The following MAST4 variants were observed in gnomAD, a reference collection of about 807,000 sequenced individuals.
MAST4 encodes microtubule-associated serine/threonine-protein kinase 4.
In MAST4, 89 loss-of-function variants were observed where a neutral mutation model predicts 162.7. The ratio of observed to expected loss-of-function variants is 0.55; its 90% confidence interval spans 0.46 to 0.65. The LOEUF is 0.65. MAST4 is among the 30% of genes least tolerant of loss of function. The pLI is 0.00. For synonymous variants in MAST4, 1,479 were observed against 1,361.1 expected (o/e 1.09, Z -1.91); for missense variants, 3,153 against 3,374.0 (o/e 0.93, Z 1.62).
chr5:67,110,761 C>T (rs1426943454), intron 11 of MAST4, among the ~76,000 whole-genome samples: 1 of 152,176 alleles, frequency 6.6e-6, no homozygotes, highest in Non-Finnish European at 1.5e-5. Flanking sequence ...TGGTGGCTCA[C>T]GCCTGTAACC....
chr5:67,001,038 A>C (rs1218442943), intron 4 of MAST4, among the ~76,000 whole-genome samples: 1 of 152,218 alleles, frequency 6.6e-6, no homozygotes, highest in Non-Finnish European at 1.5e-5. Flanking sequence ...TAGTTGTTAC[A>C]CAATAGAAAA....
chr5:66,633,712 A>G (rs1191088889), intron 1 of MAST4, among the ~76,000 whole-genome samples: 2 of 152,158 alleles, frequency 1.3e-5, no homozygotes, highest in African/African-American at 4.8e-5. Context: ...TTGTTTTCCA[A>G]CTAGGTTACC....
At chr5:66,774,457 G>A (rs1013506849) in intron 2 of MAST4, among the ~76,000 whole-genome samples, 8 of 152,194 alleles carry the variant, frequency 5.3e-5, no homozygotes, top group Non-Finnish European at 1.0e-4. Context: ...TGATCATGAA[G>A]CATGTAATCT....
chr5:66,723,139 C>G (rs535373249), intron 1 of MAST4, among the ~76,000 whole-genome samples: 1 of 152,238 alleles, frequency 6.6e-6, no homozygotes, highest in East Asian at 1.9e-4. Context: ...TCTTCAGTGG[C>G]ACTTCAGTGA....
At chr5:66,980,976 G>A (rs1448855714) in intron 4 of MAST4, among the ~76,000 whole-genome samples, 1 of 151,252 alleles carries the variant, frequency 6.6e-6, no homozygotes, top group East Asian at 2.1e-4. Context: ...AGCTGATCAG[G>A]ACATTTTTTT....
chr5:66,746,938 A>G lies in MAST4; in HGVS notation c.364-12771A>G, dbSNP rs146786023. On this transcript the variant is annotated intron_variant, in intron 1 of 28. Coordinates refer to ENST00000403625, the MANE Select transcript of MAST4 (RefSeq NM_001164664.2). Reference sequence around the variant, plus strand: ...AAAGTGTGCCATGTTTTAAAAAACTATAAAATGATACTAGCTTTATTTTTT... The same window carrying G: ...AAAGTGTGCCATGTTTTAAAAAACTGTAAAATGATACTAGCTTTATTTTTT... Among the ~76,000 whole-genome samples, 719 of 152,266 alleles carry G rather than the reference A, an allele frequency of 4.7e-3. 4 individuals carry two copies. Among genetic ancestry groups the G allele is most frequent in the Non-Finnish European group, 4.2e-3 (287 of 68,042 alleles).
intron 1 of MAST4, among the ~76,000 whole-genome samples, chr5:66,624,754 A>C (rs1487312499): frequency 6.6e-6 from 1 of 152,226 alleles, no homozygotes; most frequent in Non-Finnish European, 1.5e-5. Context: ...ATTTATGGTC[A>C]ACAATTTCTG....
At chr5:66,903,031 A>G (rs455938) in intron 4 of MAST4, among the ~76,000 whole-genome samples, 108,525 of 152,132 alleles carry the variant, frequency 0.71, 38,966 homozygotes, top group Middle Eastern at 0.77. Context: ...GCCAAGAATA[A>G]AATGATAAGC....
At chr5:66,715,623 A>C (rs899470894) in intron 1 of MAST4, among the ~76,000 whole-genome samples, 1 of 151,508 alleles carries the variant, frequency 6.6e-6, no homozygotes, top group Non-Finnish European at 1.5e-5. Flanking sequence ...ATACATATAT[A>C]ATAAACCTGC....
Position 67,169,302 on chromosome 5 carries a change from G to T in MAST4, c.*2251G>T, listed in dbSNP as rs1408331945. On this transcript the variant is annotated 3_prime_UTR_variant, in exon 29 of 29. Coordinates refer to ENST00000403625, the MANE Select transcript of MAST4 (RefSeq NM_001164664.2). ...AAATGAGTAAAGAGTACTTAAGGTT[G>T]CATTCATGTATTACATGTTTGTTGT... 1 of 152,194 alleles carries T rather than the reference G, an allele frequency of 6.6e-6. No individual in the cohort carries two copies. The highest frequency in any genetic ancestry group is 2.1e-4 in the South Asian group (1 of 4,820). 9.4% of individuals were successfully genotyped at this position (152,194 alleles called of 1,614,324 possible).
At chr5:66,647,340 A>G (rs1237078203) in intron 1 of MAST4, among the ~76,000 whole-genome samples, 1 of 152,112 alleles carries the variant, frequency 6.6e-6, no homozygotes, top group Admixed American at 6.6e-5. Context: ...CTCTCCTCCC[A>G]TTCCCCAGTG....
intron 4 of MAST4, among the ~76,000 whole-genome samples, chr5:66,951,638 G>GTGTGTGTGTATGTA (rs1744714349): frequency 6.7e-6 from 1 of 149,394 alleles, no homozygotes; most frequent in Admixed American, 6.6e-5. Flanking sequence ...GTGTGTGTGT[G>GTGTGTGTGTATGTA]TGTGTGTGTG....
intron 3 of MAST4, among the ~76,000 whole-genome samples, chr5:66,808,494 A>C (rs942744987): frequency 6.6e-6 from 1 of 152,194 alleles, no homozygotes; most frequent in African/African-American, 2.4e-5. Context: ...AGCAAGAAGA[A>C]TGTTCTGTTT....
chr5:66,903,658 G>T (rs1478733527), intron 4 of MAST4, among the ~76,000 whole-genome samples: 1 of 152,086 alleles, frequency 6.6e-6, no homozygotes, highest in Non-Finnish European at 1.5e-5. Context: ...ATGAAGCAAA[G>T]GAGATAATAG....
At chr5:66,992,369 A>T (rs1440165903) in intron 4 of MAST4, among the ~76,000 whole-genome samples, 1 of 152,198 alleles carries the variant, frequency 6.6e-6, no homozygotes, top group South Asian at 2.1e-4. Context: ...GGTTTTCTCT[A>T]ATGAAAAGAA....
At chr5:66,869,786 T>C (rs1760794080) in intron 3 of MAST4, among the ~76,000 whole-genome samples, 1 of 152,216 alleles carries the variant, frequency 6.6e-6, no homozygotes, top group Non-Finnish European at 1.5e-5. Flanking sequence ...CTAGCCCTCA[T>C]CTGAGGGTCA....
chr5:66,812,152 A>G (rs181046817), intron 3 of MAST4, among the ~76,000 whole-genome samples: 66 of 152,296 alleles, frequency 4.3e-4, no homozygotes, highest in Non-Finnish European at 7.5e-4. Flanking sequence ...GATAAGTCTC[A>G]TTACCACACA....
At chr5:66,744,276 G>A (rs1328406763) in intron 1 of MAST4, among the ~76,000 whole-genome samples, 1 of 151,998 alleles carries the variant, frequency 6.6e-6, no homozygotes, top group African/African-American at 2.4e-5. Flanking sequence ...CTGATAATTC[G>A]TGACTCATGT....
chr5:67,071,144 G>A (rs1014214267), intron 5 of MAST4, among the ~76,000 whole-genome samples: 4 of 151,940 alleles, frequency 2.6e-5, no homozygotes, highest in African/African-American at 9.7e-5. Context: ...CAGTAAAATC[G>A]GTACAAATAG....
Sources: gnomAD v4.1 joint callset for allele counts (sites outside exome capture counted in the v4.1 genomes callset) on GRCh38, gnomAD v4.1.1 for gene constraint, MANE v1.5 for transcripts, NCBI Gene and HGNC (gene_info 2026-07-23, HGNC 2026-07-21) for gene names.